The following ERI3 variants were observed in gnomAD, a reference collection of about 807,000 sequenced individuals.
ERI3 encodes the protein ERI1 exoribonuclease 3.
In ERI3, 18 loss-of-function variants were observed where a neutral mutation model predicts 44.4. The observed-to-expected ratio is 0.41, with a 90% CI of 0.28 to 0.60. The LOEUF (loss-of-function observed/expected upper bound fraction) is 0.60, where lower values mean the gene tolerates loss of function less well. Among genes scored for constraint, ERI3 ranks in the 20% least tolerant of loss-of-function variants. The pLI, the probability that ERI3 is intolerant of heterozygous loss-of-function variation, is 0.36. For missense variants in ERI3, 294 were observed against 435.5 expected (o/e 0.68, Z 2.89); for synonymous variants, 183 against 164.8 (o/e 1.11, Z -0.84).
chr1:44,223,230 A>G (rs1643946241), intron 8 of ERI3, among the ~76,000 whole-genome samples: 1 of 152,088 alleles, frequency 6.6e-6, no homozygotes, highest in African/African-American at 2.4e-5. Flanking sequence ...ACCCATCCCC[A>G]TGGTTTATGG....
chr1:44,254,876 T>A (rs1441353979), intron 7 of ERI3, among the ~76,000 whole-genome samples: 2 of 151,410 alleles, frequency 1.3e-5, no homozygotes, highest in Non-Finnish European at 2.9e-5. Flanking sequence ...CCCCACCTCC[T>A]CAGGCCCTTG....
rs944653632 is a variant in ERI3 at position 44,228,605 on chromosome 1, C to T, written c.932-6965G>A. Among the ~76,000 whole-genome samples, 2 of 152,134 alleles carry T rather than the reference C, an allele frequency of 1.3e-5. No individual in the cohort carries two copies. Among genetic ancestry groups the T allele is most frequent in the African/African-American group, 4.8e-5 (2 of 41,418 alleles). Reference sequence around the variant, plus strand: ...GAAATTAAGGCAATCAAACACTTACCGCCGCTCCTGGAGGCCAGGCATGGA... The same window carrying T: ...GAAATTAAGGCAATCAAACACTTACTGCCGCTCCTGGAGGCCAGGCATGGA... On this transcript the variant is annotated intron_variant, in intron 8 of 8. Transcript: ENST00000372257. The surrounding 1 kb of genome is among the most constrained non-coding windows in gnomAD (Gnocchi z 4.3).
intron 6 of ERI3, among the ~76,000 whole-genome samples, chr1:44,302,265 A>G (rs1645742624): frequency 6.6e-6 from 1 of 152,386 alleles, no homozygotes; most frequent in Admixed American, 6.5e-5. Flanking sequence ...CTATTTGGCA[A>G]TATGTCTAAA....
chr1:44,247,486 C>T (rs974866550), intron 8 of ERI3, among the ~76,000 whole-genome samples: 4 of 152,106 alleles, frequency 2.6e-5, no homozygotes, highest in Non-Finnish European at 4.4e-5. Context: ...AGAAGGACCC[C>T]GACTAATTAA....
chr1:44,238,736 C>T (rs1644365160), intron 8 of ERI3, among the ~76,000 whole-genome samples: 1 of 151,880 alleles, frequency 6.6e-6, no homozygotes, highest in African/African-American at 2.4e-5. Flanking sequence ...GACTGAACCC[C>T]ATCACATAGC....
chr1:44,285,042 C>T, intron 6 of ERI3, 135 bp from the exon 7 acceptor site: 2 of 683,264 alleles, frequency 2.9e-6, no homozygotes, highest in South Asian at 1.8e-5. Flanking sequence ...TGGGTCCCAC[C>T]CCACCAAAGA....
intron 2 of ERI3, among the ~76,000 whole-genome samples, chr1:44,348,839 T>C (rs1646835588): frequency 6.6e-6 from 1 of 152,242 alleles, no homozygotes; most frequent in Admixed American, 6.5e-5. Flanking sequence ...GCTTTGACAG[T>C]ACCTCGCAGC....
At chr1:44,347,330 C>T (rs1416310965) in intron 2 of ERI3, among the ~76,000 whole-genome samples, 3 of 152,046 alleles carry the variant, frequency 2.0e-5, no homozygotes, top group African/African-American at 2.4e-5. Context: ...ATTAAAAGAA[C>T]GGCAGCACAA....
At chr1:44,325,075 C>CTTT in intron 3 of ERI3, among the ~76,000 whole-genome samples, 1 of 93,918 alleles carries the variant, frequency 1.1e-5, no homozygotes, top group Admixed American at 1.1e-4. Flanking sequence ...TTAAACACAG[C>CTTT]TTTTTTTTTT....
chr1:44,283,833 A>C (rs566094490), intron 7 of ERI3, among the ~76,000 whole-genome samples: 41 of 152,210 alleles, frequency 2.7e-4, no homozygotes, highest in African/African-American at 8.7e-4. Flanking sequence ...ACACACCAAA[A>C]GCATGCTGCC....
intron 6 of ERI3, among the ~76,000 whole-genome samples, chr1:44,294,247 T>C (rs182697513): frequency 1.3e-5 from 2 of 152,326 alleles, no homozygotes; most frequent in Admixed American, 1.3e-4. Flanking sequence ...AGAGGGATGC[T>C]CCATGGTCCA....
intron 6 of ERI3, among the ~76,000 whole-genome samples, chr1:44,302,952 A>T (rs1645757712): frequency 6.6e-6 from 1 of 152,268 alleles, no homozygotes; most frequent in Non-Finnish European, 1.5e-5. Context: ...AAAAAGGATT[A>T]TAAAATGAAC....
chr1:44,312,829 C>G (rs1261524508), intron 5 of ERI3, among the ~76,000 whole-genome samples: 1 of 152,240 alleles, frequency 6.6e-6, no homozygotes, highest in African/African-American at 2.4e-5. Context: ...TGGGGCTAGT[C>G]CCACAGTACC....
At chr1:44,317,942 C>T (rs182645703) in intron 4 of ERI3, among the ~76,000 whole-genome samples, 1 of 152,200 alleles carries the variant, frequency 6.6e-6, no homozygotes, top group South Asian at 2.1e-4. Context: ...GACAAAATGG[C>T]AGACCCGGTG....
At chr1:44,260,384 G>A (rs374549516) in intron 7 of ERI3, among the ~76,000 whole-genome samples, 3 of 152,322 alleles carry the variant, frequency 2.0e-5, no homozygotes, top group Non-Finnish European at 2.9e-5. Flanking sequence ...CACAGACTGC[G>A]GATTGAGCAG....
intron 6 of ERI3, among the ~76,000 whole-genome samples, chr1:44,300,987 A>G (rs1645713015): frequency 6.9e-6 from 1 of 144,462 alleles, no homozygotes; most frequent in Non-Finnish European, 1.5e-5. Flanking sequence ...GCCCTCTCTC[A>G]TTAGAGGCAA....
At chr1:44,227,685 C>G (rs532017646) in intron 8 of ERI3, among the ~76,000 whole-genome samples, 24 of 152,238 alleles carry the variant, frequency 1.6e-4, no homozygotes, top group Admixed American at 1.2e-3. Flanking sequence ...TAAGGTTTAG[C>G]ATCAAATGTT....
chr1:44,322,676 A>G, intron 3 of ERI3: 1 of 1,505,910 alleles, frequency 6.6e-7, no homozygotes, highest in South Asian at 1.3e-5. Context: ...CTGAGAAAAG[A>G]CTCTCTGAGA....
chr1:44,315,133 A>G (rs1457336502), intron 4 of ERI3, among the ~76,000 whole-genome samples: 1 of 152,246 alleles, frequency 6.6e-6, no homozygotes, highest in Non-Finnish European at 1.5e-5. Context: ...AAGGCGGACC[A>G]CAGCCACTCT....
Sources: allele counts gnomAD v4.1 joint callset (sites outside exome capture counted in the v4.1 genomes callset), GRCh38; gene constraint gnomAD v4.1.1; non-coding constraint Gnocchi (gnomAD v3.1); transcripts MANE v1.5; gene names NCBI Gene and HGNC (gene_info 2026-07-23, HGNC 2026-07-21).